MEF2A: variants seen among roughly 807,000 people sequenced by gnomAD.
The protein encoded by MEF2A is myocyte-specific enhancer factor 2A.
Under a neutral mutation model 55.8 loss-of-function variants are expected in MEF2A, and 28 were observed. That is an observed-to-expected ratio of 0.50 (90% confidence interval 0.37 to 0.69). The LOEUF (loss-of-function observed/expected upper bound fraction) is 0.69. Among genes scored for constraint, MEF2A ranks in the 30% least tolerant of loss-of-function variants. The probability of loss-of-function intolerance (pLI) is 0.00; values close to 1 mark genes in which losing one functional copy is unlikely to be tolerated. For synonymous variants in MEF2A, 239 were observed against 227.1 expected, an observed-to-expected ratio of 1.05 and a Z score of -0.47; for missense variants, 528 against 626.2, an observed-to-expected ratio of 0.84 and a Z score of 1.67.
At chr15:99,620,890 G>A (rs537640695) in intron 2 of MEF2A, 1 of 146,162 alleles carries the variant, frequency 6.8e-6, no homozygotes, top group African/African-American at 2.5e-5. Context: ...CTACCCCCCA[G>A]GCTGAAGTGC....
intron 1 of MEF2A, among the ~76,000 whole-genome samples, chr15:99,575,254 A>G (rs977955387): frequency 3.3e-5 from 5 of 152,172 alleles, no homozygotes; most frequent in African/African-American, 9.7e-5. Context: ...CATAGTGTCA[A>G]TAATATCCTT....
At position 99,712,878 on chromosome 15, in the gene MEF2A, T is replaced by C. The variant is rs1567523749; in HGVS notation, c.*107T>C. 1 of 1,172,900 alleles carries C rather than the reference T, an allele frequency of 8.5e-7. No individual in the cohort carries two copies. Among genetic ancestry groups the C allele is most frequent in the Non-Finnish European group, 1.2e-6 (1 of 838,896 alleles). The allele number at this position is 1,172,900 out of a possible 1,614,324, so 72.7% of individuals were successfully genotyped here. A position where few individuals can be genotyped will look rare whatever the true frequency, so the allele number is the denominator to read the frequency against. On this transcript the variant is annotated 3_prime_UTR_variant, in exon 12 of 12. Coordinates refer to ENST00000557942, the MANE Select transcript of MEF2A (RefSeq NM_001319206.4). This position sits in a 1 kb window ranked among gnomAD's most constrained non-coding sequence, Gnocchi z 4.1. ...TTAAATATATTTATATGTACATACA[T>C]ATATATATCCCTTTACATATATATG...
chr15:99,595,270 C>T (rs1045143875), intron 1 of MEF2A, among the ~76,000 whole-genome samples: 3 of 152,148 alleles, frequency 2.0e-5, no homozygotes, highest in Non-Finnish European at 4.4e-5. Flanking sequence ...TCAAGTATTA[C>T]TGCTGCTCTT....
intron 4 of MEF2A, among the ~76,000 whole-genome samples, chr15:99,647,806 A>G (rs931750118): frequency 6.6e-6 from 1 of 152,190 alleles, no homozygotes; most frequent in African/African-American, 2.4e-5. Flanking sequence ...TAAATACAGT[A>G]GATAGAAGAC....
intron 7 of MEF2A, among the ~76,000 whole-genome samples, chr15:99,684,353 C>T (rs1400401544): frequency 1.3e-5 from 2 of 152,206 alleles, no homozygotes; most frequent in African/African-American, 4.8e-5. Context: ...GTTTGCTTTT[C>T]ACCATATCCA....
intron 11 of MEF2A, 71 bp downstream of exon 11, chr15:99,710,831 C>T (rs544496384): frequency 1.3e-6 from 2 of 1,517,784 alleles, no homozygotes; most frequent in Non-Finnish European, 1.8e-6. Context: ...TCAGTGACAG[C>T]CTTTTGCTCT....
chr15:99,659,091 A>G (rs2153559729), intron 4 of MEF2A, among the ~76,000 whole-genome samples: 1 of 152,310 alleles, frequency 6.6e-6, no homozygotes, highest in East Asian at 1.9e-4. Flanking sequence ...ACCAAGCTCC[A>G]GGACTTTTGA....
At chr15:99,666,922 A>C (rs981360365) in intron 4 of MEF2A, among the ~76,000 whole-genome samples, 2 of 152,220 alleles carry the variant, frequency 1.3e-5, no homozygotes, top group African/African-American at 4.8e-5. Flanking sequence ...ATAAATAACA[A>C]TTTATGAATT....
intron 4 of MEF2A, among the ~76,000 whole-genome samples, chr15:99,647,769 T>C (rs1264739463): frequency 1.3e-5 from 2 of 152,218 alleles, no homozygotes; most frequent in Non-Finnish European, 2.9e-5. Context: ...ATCGTGTTAA[T>C]AGTTCCTTGT....
intron 1 of MEF2A, among the ~76,000 whole-genome samples, chr15:99,568,297 G>C (rs1326157052): frequency 6.6e-6 from 1 of 152,114 alleles, no homozygotes; most frequent in Non-Finnish European, 1.5e-5. Flanking sequence ...TATTCTTAGA[G>C]TTTGTTTTCA....
intron 1 of MEF2A, among the ~76,000 whole-genome samples, chr15:99,585,752 T>C (rs2152910168): frequency 6.6e-6 from 1 of 152,368 alleles, no homozygotes; most frequent in Middle Eastern, 3.4e-3. Flanking sequence ...ACACCATTTA[T>C]AGATGAGGAA....
chr15:99,632,376 T>C (rs2043085794), intron 2 of MEF2A, among the ~76,000 whole-genome samples: 1 of 152,202 alleles, frequency 6.6e-6, no homozygotes, highest in Non-Finnish European at 1.5e-5. Flanking sequence ...AATAGTGATT[T>C]GGCTGGAGGC....
chr15:99,628,297 C>T (rs1324390361), intron 2 of MEF2A, among the ~76,000 whole-genome samples: 1 of 152,078 alleles, frequency 6.6e-6, no homozygotes, highest in Non-Finnish European at 1.5e-5. Context: ...CATGGTGTGT[C>T]TTTCACTATG....
In MEF2A at chr15:99,633,587, A is replaced by C. The variant is rs190356292; in HGVS notation, c.54+414A>C. On this transcript the variant is annotated intron_variant, in intron 3 of 11. Coordinates refer to ENST00000557942, the MANE Select transcript of MEF2A (RefSeq NM_001319206.4). ...AATTATCAGTGAATGTGTTCTAGTC[A>C]GTTAAATTTTCTGGTTAACCAATAT... is the stretch of plus-strand genomic sequence containing the variant. Among the ~76,000 whole-genome samples, 453 of 152,292 alleles carry C rather than the reference A, an allele frequency of 3.0e-3. 3 individuals are homozygous for C. The highest frequency in any genetic ancestry group is 0.01 in the African/African-American group (424 of 41,578).
intron 7 of MEF2A, among the ~76,000 whole-genome samples, chr15:99,680,063 A>G (rs1448777191): frequency 6.6e-6 from 1 of 152,218 alleles, no homozygotes; most frequent in African/African-American, 2.4e-5. Context: ...TCAAAATGCC[A>G]AGGTTGATGA....
At position 99,712,539 on chromosome 15, in the gene MEF2A, C is replaced by A. The variant is rs778791945; in HGVS notation, c.1286C>A (p.Pro429Gln). The A allele has an allele frequency of 4.3e-4, 647 of 1,518,166 alleles. No homozygotes were observed. Among genetic ancestry groups the A allele is most frequent in the African/African-American group, 1.7e-3 (112 of 66,040 alleles). The allele number at this position is 1,518,166 out of a possible 1,614,324, so 94.0% of individuals were successfully genotyped here. The change falls in exon 12 of 12, where the codon CCG becomes CAG. Residue 429 changes from proline (P) to glutamine (Q), a missense_variant. Coordinates refer to ENST00000557942, the MANE Select transcript of MEF2A (RefSeq NM_001319206.4). The surrounding 1 kb of genome is among the most constrained non-coding windows in gnomAD (Gnocchi z 4.1). ...QQQQQQQQQQ[P>Q]PPPPQPQPQP... ...CAGCAGCAGCAGCAGCAGCAGCAGC[C>A]GCCGCCACCACCGCAGCCCCAGCCA... is the stretch of plus-strand genomic sequence containing the variant.
At chr15:99,615,507 A>G (rs2040039404) in intron 2 of MEF2A, among the ~76,000 whole-genome samples, 1 of 152,208 alleles carries the variant, frequency 6.6e-6, no homozygotes, top group South Asian at 2.1e-4. Flanking sequence ...AATACTTCAT[A>G]TGTGTTATCT....
chr15:99,637,014 T>C (rs1416244943), intron 3 of MEF2A, among the ~76,000 whole-genome samples: 1 of 152,222 alleles, frequency 6.6e-6, no homozygotes, highest in African/African-American at 2.4e-5. Flanking sequence ...TGAAACTGTT[T>C]CTAAATTCTC....
Position 99,645,669 on chromosome 15 carries a change from T to G in MEF2A, c.163T>G (p.Phe55Val), listed in dbSNP as rs764920921. 1 of 1,613,714 alleles carries G rather than the reference T, an allele frequency of 6.2e-7. No homozygotes were observed. The highest frequency in any genetic ancestry group is 1.1e-5 in the South Asian group (1 of 91,074). ...CATTTTCAACAGCTCTAACAAACTG[T>G]TTCAATATGCTAGCACTGATATGGA... The part of the protein sequence containing the change: ...LIIFNSSNKL[F>V]QYASTDMDKV... The change falls in exon 4 of 12, where the codon TTT (phenylalanine) becomes GTT (valine). Residue 55 changes from phenylalanine (F) to valine (V), a missense_variant. Phe to Val is a conservative substitution (Grantham distance 50). This residue lies in a region of MEF2A where 78 missense variants were observed against 150.9 expected (regional missense o/e 0.52). Coordinates refer to ENST00000557942, the MANE Select transcript of MEF2A (RefSeq NM_001319206.4).
Sources: gnomAD v4.1 joint callset for allele counts (sites outside exome capture counted in the v4.1 genomes callset) on GRCh38, gnomAD v4.1.1 for gene constraint, gnomAD v4.1.1 regional missense constraint, Gnocchi (gnomAD v3.1) non-coding constraint, MANE v1.5 for transcripts, NCBI Gene and HGNC (gene_info 2026-07-23, HGNC 2026-07-21) for gene names.